The following PRDM5 variants were observed in gnomAD, a reference collection of about 807,000 sequenced individuals.
The protein encoded by PRDM5 is PR/SET domain 5.
A neutral mutation model predicts 81.2 loss-of-function variants in PRDM5; 56 were observed. The observed-to-expected ratio is 0.69, with a 90% CI of 0.56 to 0.86. The LOEUF (loss-of-function observed/expected upper bound fraction) is 0.86, where lower values mean the gene tolerates loss of function less well. PRDM5 is among the 40% of genes least tolerant of loss of function. PRDM5 has a pLI of 0.00. For missense variants in PRDM5, 697 were observed against 770.1 expected (o/e 0.91, Z 1.12); for synonymous variants, 267 against 256.4 (o/e 1.04, Z -0.39).
At chr4:120,807,179 T>C (rs1753104570) in intron 8 of PRDM5, among the ~76,000 whole-genome samples, 1 of 152,164 alleles carries the variant, frequency 6.6e-6, no homozygotes, top group Non-Finnish European at 1.5e-5. Flanking sequence ...AGAATGGCAA[T>C]CACTAAAAAG....
downstream of PRDM5, among the ~76,000 whole-genome samples, chr4:120,690,456 T>C (rs77324564): frequency 0.014 from 2,142 of 152,216 alleles, 49 homozygotes; most frequent in African/African-American, 0.048. Flanking sequence ...AATTCAGTGC[T>C]GTCAGACAGG....
At chr4:120,869,479 T>C (rs1337786006) in intron 2 of PRDM5, among the ~76,000 whole-genome samples, 1 of 152,196 alleles carries the variant, frequency 6.6e-6, no homozygotes, top group Non-Finnish European at 1.5e-5. Flanking sequence ...CTACAATTGG[T>C]TGCTAAACAG....
chr4:120,900,984 A>G (rs1163953634), intron 2 of PRDM5, among the ~76,000 whole-genome samples: 2 of 152,104 alleles, frequency 1.3e-5, no homozygotes, highest in African/African-American at 4.8e-5. Flanking sequence ...ATTCACTTCT[A>G]TTTTAGGTAC....
intron 14 of PRDM5, among the ~76,000 whole-genome samples, chr4:120,714,451 A>C (rs1737460537): frequency 6.6e-6 from 1 of 151,942 alleles, no homozygotes; most frequent in South Asian, 2.1e-4. Context: ...TAGGGCTTTT[A>C]ATTTCTGTTA....
At chr4:120,830,433 C>A (rs895844733) in intron 3 of PRDM5, among the ~76,000 whole-genome samples, 6 of 152,120 alleles carry the variant, frequency 3.9e-5, no homozygotes, top group African/African-American at 1.4e-4. Flanking sequence ...TGGAGCCAAG[C>A]TGTGGACAGA....
intron 3 of PRDM5, among the ~76,000 whole-genome samples, chr4:120,842,671 G>A (rs1277342242): frequency 2.0e-5 from 3 of 152,118 alleles, no homozygotes; most frequent in Non-Finnish European, 2.9e-5. Flanking sequence ...TTTTTAAAAT[G>A]TTTTAAATTT....
At chr4:120,701,793 T>C (rs1735410925) in intron 15 of PRDM5, among the ~76,000 whole-genome samples, 1 of 151,812 alleles carries the variant, frequency 6.6e-6, no homozygotes, top group African/African-American at 2.4e-5. Flanking sequence ...ACAACAAACC[T>C]GCAGATGTAC....
chr4:120,816,135 C>A, intron 7 of PRDM5: 1 of 319,316 alleles, frequency 3.1e-6, no homozygotes, highest in South Asian at 3.3e-5. Flanking sequence ...AAAGAAATGT[C>A]ACATGCCAAA....
Position 120,748,325 on chromosome 4 carries a change from T to C in PRDM5, c.1623+6228A>G, listed in dbSNP as rs144296054. On this transcript the variant is annotated intron_variant, in intron 14 of 15. Coordinates refer to ENST00000264808, the MANE Select transcript of PRDM5 (RefSeq NM_018699.4). The stretch of plus-strand genomic sequence containing the variant: ...AAATTCAAATCTTTAAACCAAATCT[T>C]GGTTTAAAGCTACAATGTGAAAACT... 1.4e-3 allele frequency among the ~76,000 whole-genome samples: 218 copies of C among 152,226 alleles called. 1 individual carries two copies. Among genetic ancestry groups the C allele is most frequent in the African/African-American group, 5.1e-3 (213 of 41,550 alleles).
At chr4:120,740,494 G>A (rs2149106413) in intron 14 of PRDM5, among the ~76,000 whole-genome samples, 1 of 152,174 alleles carries the variant, frequency 6.6e-6, no homozygotes, top group Non-Finnish European at 1.5e-5. Flanking sequence ...CTGTCTCTAT[G>A]TGGAAAATCA....
chr4:120,914,544 G>T (rs562520237), intron 1 of PRDM5, among the ~76,000 whole-genome samples: 5 of 152,238 alleles, frequency 3.3e-5, no homozygotes, highest in African/African-American at 9.6e-5. Flanking sequence ...GGTTTAATTG[G>T]CTCACAGTTC....
intron 1 of PRDM5, 97 bp downstream of exon 1, chr4:120,922,419 G>A: frequency 1.7e-6 from 2 of 1,196,344 alleles, no homozygotes; most frequent in South Asian, 3.9e-5. Context: ...CGACCGGGGT[G>A]AAGCCCGCCG....
intron 10 of PRDM5, among the ~76,000 whole-genome samples, chr4:120,790,689 TACATA>T (rs1220825402): frequency 6.6e-6 from 1 of 152,228 alleles, no homozygotes; most frequent in Non-Finnish European, 1.5e-5. Context: ...AATAGTTTTC[TACATA>T]ACATAAATCT....
In PRDM5 at chr4:120,781,226, C is replaced by A; in HGVS notation, c.1360G>T (p.Val454Phe). 6.2e-7 allele frequency: 1 copy of A among 1,613,058 alleles called. No individual in the cohort carries two copies. Among genetic ancestry groups the A allele is most frequent in the Non-Finnish European group, 8.5e-7 (1 of 1,179,230 alleles). ...CTATACTTCTTGTGTCTTTCATGAA[C>A]CACCTGGACATGAACATTTAATGTA... The part of the protein sequence containing the change: ...KDTLNVHVQV[V>F]HERHKKYRCE... Residue 454 changes from valine to phenylalanine, a missense_variant, in exon 12 of 16, where the codon GTT becomes TTT. By Grantham distance (50) the Val-to-Phe change is conservative. Coordinates refer to ENST00000264808, the MANE Select transcript of PRDM5 (RefSeq NM_018699.4).
chr4:120,750,910 AGGT>A (rs1281233589), intron 14 of PRDM5, among the ~76,000 whole-genome samples: 1 of 152,214 alleles, frequency 6.6e-6, no homozygotes, highest in Non-Finnish European at 1.5e-5. Context: ...CTAGTGAAAA[AGGT>A]GGGCCACACA....
intron 2 of PRDM5, among the ~76,000 whole-genome samples, chr4:120,900,428 C>T (rs1247071472): frequency 2.6e-5 from 4 of 152,090 alleles, no homozygotes; most frequent in Admixed American, 2.6e-4. Context: ...AGATGAGGAC[C>T]AAATATAGAT....
At chr4:120,787,212 A>G (rs76094579) in intron 10 of PRDM5, among the ~76,000 whole-genome samples, 30,258 of 152,092 alleles carry the variant, frequency 0.2, 3,664 homozygotes, top group Non-Finnish European at 0.28. Context: ...ATGGATATGA[A>G]GGAGCAAGGG....
chr4:120,778,944 A>G (rs1748594594), intron 12 of PRDM5, among the ~76,000 whole-genome samples: 1 of 152,130 alleles, frequency 6.6e-6, no homozygotes, highest in South Asian at 2.1e-4. Context: ...AAAATATGCC[A>G]ATTTGTGTTT....
intron 14 of PRDM5, among the ~76,000 whole-genome samples, chr4:120,734,912 G>T (rs2290): frequency 0.1 from 15,419 of 152,112 alleles, 1,035 homozygotes; most frequent in Non-Finnish European, 0.16. Flanking sequence ...TTATCTCGTT[G>T]TCTTCTCCCC....
Sources: gnomAD v4.1 joint callset for allele counts (sites outside exome capture counted in the v4.1 genomes callset) on GRCh38, gnomAD v4.1.1 for gene constraint, MANE v1.5 for transcripts, NCBI Gene and HGNC (gene_info 2026-07-23, HGNC 2026-07-21) for gene names.